The following ZNF618 variants were observed in gnomAD, a reference collection of about 807,000 sequenced individuals.
The protein encoded by ZNF618 is neural precursor cell expressed, developmentally down-regulated 10.
ZNF618 carries 34 observed loss-of-function variants against 103.0 expected under a neutral mutation model. That is an observed-to-expected ratio of 0.33 (90% CI 0.25 to 0.44). ZNF618 has a LOEUF of 0.44. ZNF618 is among the 20% of genes least tolerant of loss of function. The probability of loss-of-function intolerance (pLI) is 1.00; values close to 1 mark genes in which losing one functional copy is unlikely to be tolerated. For missense variants in ZNF618, 1,059 were observed against 1,295.4 expected, an observed-to-expected ratio of 0.82 and a Z score of 2.80; for synonymous variants, 551 against 542.2, an observed-to-expected ratio of 1.02 and a Z score of -0.23.
chr9:114,039,231 C>T (rs946448795), intron 13 of ZNF618, among the ~76,000 whole-genome samples: 1 of 152,076 alleles, frequency 6.6e-6, no homozygotes, highest in Non-Finnish European at 1.5e-5. Context: ...CCAGGAGGAC[C>T]GCAGCTAAGA....
At chr9:114,038,727 C>T (rs1022843842) in intron 13 of ZNF618, among the ~76,000 whole-genome samples, 7 of 152,158 alleles carry the variant, frequency 4.6e-5, no homozygotes, top group African/African-American at 1.4e-4. Flanking sequence ...GCTTTCTATG[C>T]GTCACTTGTG....
At chr9:114,043,010 TC>T (rs1235418590) in intron 13 of ZNF618, among the ~76,000 whole-genome samples, 2 of 152,246 alleles carry the variant, frequency 1.3e-5, no homozygotes, top group African/African-American at 4.8e-5. Context: ...GTGTCTAACT[TC>T]TTTCACTTAA....
intron 1 of ZNF618, among the ~76,000 whole-genome samples, chr9:113,881,336 G>A (rs1039108407): frequency 2.0e-5 from 3 of 152,006 alleles, no homozygotes; most frequent in Admixed American, 6.5e-5. Context: ...TCAGGTCAGC[G>A]CTAATAGAAA....
chr9:113,979,850 A>G (rs1343507097), intron 2 of ZNF618, among the ~76,000 whole-genome samples: 1 of 152,228 alleles, frequency 6.6e-6, no homozygotes, highest in African/African-American at 2.4e-5. Flanking sequence ...GAGTGGGTAA[A>G]TACTGGGGAA....
At chr9:113,984,908 A>G (rs1159766141) in intron 2 of ZNF618, among the ~76,000 whole-genome samples, 1 of 152,176 alleles carries the variant, frequency 6.6e-6, no homozygotes, top group Non-Finnish European at 1.5e-5. Flanking sequence ...CACCGCCTGT[A>G]TCCCATTACT....
At chr9:113,971,031 C>T (rs754278128) in intron 2 of ZNF618, among the ~76,000 whole-genome samples, 12 of 149,384 alleles carry the variant, frequency 8.0e-5, no homozygotes, top group East Asian at 8.0e-4. Flanking sequence ...AGCTCAGAGA[C>T]GGTGCACTTA....
intron 1 of ZNF618, among the ~76,000 whole-genome samples, chr9:113,912,031 C>T (rs1451074993): frequency 1.3e-5 from 2 of 152,168 alleles, no homozygotes; most frequent in Non-Finnish European, 2.9e-5. Flanking sequence ...GATTCTGATT[C>T]AGCAGGTGTG....
At chr9:113,949,537 G>A (rs1411727967) in intron 1 of ZNF618, among the ~76,000 whole-genome samples, 1 of 152,078 alleles carries the variant, frequency 6.6e-6, no homozygotes, top group African/African-American at 2.4e-5. Flanking sequence ...CACTACCTCA[G>A]TCAGACTCTT....
At chr9:113,908,809 T>C (rs1030907143) in intron 1 of ZNF618, among the ~76,000 whole-genome samples, 6 of 151,984 alleles carry the variant, frequency 3.9e-5, no homozygotes, top group Non-Finnish European at 8.8e-5. Flanking sequence ...TCAAGGCCAT[T>C]CATACCCCAG....
rs1247787960 is a variant in ZNF618 at position 114,032,650 on chromosome 9, A to G, written c.1090A>G (p.Ser364Gly). 19 of 1,613,892 alleles carry G rather than the reference A, an allele frequency of 1.2e-5. No homozygotes were observed. Among genetic ancestry groups the G allele is most frequent in the Non-Finnish European group, 1.4e-5 (16 of 1,179,880 alleles). The change falls in exon 12 of 15, where the codon AGC becomes GGC. Residue 364 changes from serine to glycine, a missense_variant. Physicochemically the swap from Ser to Gly is moderately conservative, Grantham distance 56 (BLOSUM62 0). Coordinates refer to ENST00000374126, the MANE Select transcript of ZNF618 (RefSeq NM_001318042.2). ...CTCTCCTGTCCCCCACCCAGCAGAA[A>G]GCGCTTTCAGTCGGAGAGTAGAAGG... ...SPASKATAAE[S>G]AFSRRVEGKA... is the part of the protein sequence containing the mutation.
At chr9:113,947,652 C>T (rs148601621) in intron 1 of ZNF618, among the ~76,000 whole-genome samples, 3 of 152,264 alleles carry the variant, frequency 2.0e-5, no homozygotes, top group East Asian at 3.9e-4. Context: ...GTCAGGCCTT[C>T]GGGAGACCCC....
intron 2 of ZNF618, among the ~76,000 whole-genome samples, chr9:113,977,027 G>A (rs2133035708): frequency 6.6e-6 from 1 of 152,294 alleles, no homozygotes; most frequent in East Asian, 1.9e-4. Flanking sequence ...GTGTGTCCAA[G>A]GGCAGCGTGC....
At chr9:114,021,572 T>C (rs62556514) in intron 10 of ZNF618, among the ~76,000 whole-genome samples, 2,595 of 152,190 alleles carry the variant, frequency 0.017, 41 homozygotes, top group Non-Finnish European at 0.024. Context: ...TTTTTAAATA[T>C]TGATTGAAGT....
At chr9:113,967,349 T>C (rs1407056377) in intron 1 of ZNF618, among the ~76,000 whole-genome samples, 2 of 152,246 alleles carry the variant, frequency 1.3e-5, no homozygotes, top group East Asian at 1.9e-4. Flanking sequence ...TGAAATGATA[T>C]GCAAACCATT....
intron 13 of ZNF618, among the ~76,000 whole-genome samples, chr9:114,040,445 C>A (rs1845050594): frequency 6.6e-6 from 1 of 151,768 alleles, no homozygotes. Flanking sequence ...CCCATTAACT[C>A]GTCATTTACA....
intron 9 of ZNF618, among the ~76,000 whole-genome samples, chr9:114,009,231 G>C (rs899791415): frequency 6.6e-6 from 1 of 152,198 alleles, no homozygotes; most frequent in African/African-American, 2.4e-5. Flanking sequence ...TAGCTTGCAG[G>C]GAGCTGTGGG....
At chr9:113,911,433 A>G (rs1417690212) in intron 1 of ZNF618, among the ~76,000 whole-genome samples, 1 of 151,926 alleles carries the variant, frequency 6.6e-6, no homozygotes, top group Non-Finnish European at 1.5e-5. Flanking sequence ...GGTTCAAACG[A>G]TTCTCCTGTC....
intron 1 of ZNF618, among the ~76,000 whole-genome samples, chr9:113,896,928 C>T (rs1488104567): frequency 2.0e-5 from 3 of 151,964 alleles, no homozygotes; most frequent in Non-Finnish European, 4.4e-5. Context: ...AGTTCATTTC[C>T]TGCTTTTACC....
intron 10 of ZNF618, among the ~76,000 whole-genome samples, chr9:114,020,406 GA>G (rs1842971260): frequency 6.6e-6 from 1 of 152,136 alleles, no homozygotes; most frequent in African/African-American, 2.4e-5. Context: ...AATTTGGGGA[GA>G]ATCATCATTA....
Sources: allele counts gnomAD v4.1 joint callset (sites outside exome capture counted in the v4.1 genomes callset), GRCh38; gene constraint gnomAD v4.1.1; transcripts MANE v1.5; gene names NCBI Gene and HGNC (gene_info 2026-07-23, HGNC 2026-07-21).